The following RIT2 variants were observed in gnomAD, a reference collection of about 807,000 sequenced individuals.
RIT2 encodes Ras like without CAAX 2, also known as GTP-binding protein Rit2.
RIT2 carries 24 observed loss-of-function variants against 23.7 expected under a neutral mutation model. The ratio of observed to expected loss-of-function variants is 1.01; its 90% confidence interval spans 0.73 to 1.43. RIT2 has a LOEUF of 1.43. Ranked by LOEUF, RIT2 falls within the 40% of genes most tolerant of loss-of-function variation. RIT2 has a pLI of 0.00. For missense variants in RIT2, 236 were observed against 266.9 expected (o/e 0.88, Z 0.81); for synonymous variants, 107 against 91.1 (o/e 1.17, Z -0.99).
chr18:42,829,983 ATCAT>A (rs1159190446), intron 4 of RIT2, among the ~76,000 whole-genome samples: 1 of 152,228 alleles, frequency 6.6e-6, no homozygotes, highest in Non-Finnish European at 1.5e-5. Flanking sequence ...TATTTAAATT[ATCAT>A]TCAAACAGTG....
At chr18:42,804,676 C>T (rs16976930) in intron 4 of RIT2, among the ~76,000 whole-genome samples, 2,448 of 151,864 alleles carry the variant, frequency 0.016, 70 homozygotes, top group African/African-American at 0.056. Context: ...AACTCATGGC[C>T]TTGGTCCCGA....
At chr18:42,792,442 T>C (rs1914064570) in intron 4 of RIT2, among the ~76,000 whole-genome samples, 1 of 152,198 alleles carries the variant, frequency 6.6e-6, no homozygotes, top group South Asian at 2.1e-4. Context: ...CAACTCACAA[T>C]TCCATTGCTA....
intron 4 of RIT2, among the ~76,000 whole-genome samples, chr18:42,888,643 A>G (rs1386772282): frequency 6.6e-6 from 1 of 152,114 alleles, no homozygotes; most frequent in African/African-American, 2.4e-5. Context: ...ACAATAGCAA[A>G]GACATGGGAT....
In RIT2 at chr18:43,036,303, G is replaced by A. The variant is rs140298360; in HGVS notation, c.104-2436C>T. On this transcript the variant is annotated intron_variant, in intron 1 of 4. Coordinates refer to ENST00000326695, the MANE Select transcript of RIT2 (RefSeq NM_002930.4). ...GCCTGTAATCCTAGCGCTTTGGGAG[G>A]CCAAGGCGGGTGGATCACCTGAGGT... Among the ~76,000 whole-genome samples, 715 of 152,290 alleles carry A rather than the reference G, an allele frequency of 4.7e-3. 6 individuals carry two copies. The highest frequency in any genetic ancestry group is 0.016 in the African/African-American group (683 of 41,560).
chr18:42,978,082 T>C (rs891308061), intron 2 of RIT2, among the ~76,000 whole-genome samples: 1 of 151,944 alleles, frequency 6.6e-6, no homozygotes. Context: ...TCAGATTTCG[T>C]GTTTGTTTAT....
At chr18:42,751,352 A>C (rs1379328927) in intron 4 of RIT2, among the ~76,000 whole-genome samples, 1 of 151,918 alleles carries the variant, frequency 6.6e-6, no homozygotes, top group Non-Finnish European at 1.5e-5. Flanking sequence ...TATAGTACAT[A>C]TATAGATATA....
intron 1 of RIT2, among the ~76,000 whole-genome samples, chr18:43,062,297 T>C (rs1912666777): frequency 6.6e-6 from 1 of 152,126 alleles, no homozygotes; most frequent in African/African-American, 2.4e-5. Context: ...TAAATGTCTA[T>C]ACTTTACTTC....
chr18:42,759,542 A>G (rs1913247159), intron 4 of RIT2, among the ~76,000 whole-genome samples: 1 of 152,096 alleles, frequency 6.6e-6, no homozygotes, highest in African/African-American at 2.4e-5. Context: ...GCATTTTAAT[A>G]TACAGTAAAA....
At chr18:42,991,283 T>C (rs1273478793) in intron 2 of RIT2, among the ~76,000 whole-genome samples, 1 of 152,118 alleles carries the variant, frequency 6.6e-6, no homozygotes, top group Non-Finnish European at 1.5e-5. Context: ...ACTGGTGCCA[T>C]GTGTATTTGA....
chr18:42,771,754 T>G (rs1263558204), intron 4 of RIT2, among the ~76,000 whole-genome samples: 1 of 152,150 alleles, frequency 6.6e-6, no homozygotes, highest in Non-Finnish European at 1.5e-5. Context: ...TTAGCAGAGT[T>G]TTGTGCTTAT....
At chr18:43,073,547 C>A (rs559539838) in intron 1 of RIT2, among the ~76,000 whole-genome samples, 1 of 152,134 alleles carries the variant, frequency 6.6e-6, no homozygotes, top group Non-Finnish European at 1.5e-5. Context: ...ATAACTAAGG[C>A]CCTCGTCCAA....
At chr18:42,931,613 C>T (rs1321655739) in intron 3 of RIT2, among the ~76,000 whole-genome samples, 1 of 152,094 alleles carries the variant, frequency 6.6e-6, no homozygotes, top group East Asian at 1.9e-4. Context: ...ATGACCGCCT[C>T]TGGGGGGTAC....
chr18:43,019,514 A>C (rs1030671929), intron 2 of RIT2, among the ~76,000 whole-genome samples: 2 of 151,996 alleles, frequency 1.3e-5, no homozygotes, highest in South Asian at 2.1e-4. Context: ...AACCCCAAAA[A>C]CTAGACATAG....
intron 1 of RIT2, among the ~76,000 whole-genome samples, chr18:43,045,406 A>T (rs570896059): frequency 6.6e-6 from 1 of 152,282 alleles, no homozygotes; most frequent in African/African-American, 2.4e-5. Flanking sequence ...CTGTCTTGAC[A>T]CCCTGATCCT....
chr18:42,939,093 C>G (rs960163893), intron 3 of RIT2, among the ~76,000 whole-genome samples: 2 of 151,994 alleles, frequency 1.3e-5, no homozygotes, highest in Non-Finnish European at 2.9e-5. Context: ...ACAAAACAGC[C>G]AACTTAATAG....
intron 1 of RIT2, among the ~76,000 whole-genome samples, chr18:43,087,284 A>C (rs1350261378): frequency 6.6e-6 from 1 of 152,082 alleles, no homozygotes; most frequent in Non-Finnish European, 1.5e-5. Flanking sequence ...GTAGGTATTC[A>C]TGACTCATTG....
At chr18:42,915,851 G>GTA (rs138076243) in intron 4 of RIT2, among the ~76,000 whole-genome samples, 100 of 150,900 alleles carry the variant, frequency 6.6e-4, no homozygotes, top group African/African-American at 2.1e-3. Flanking sequence ...ACATATGCGT[G>GTA]TATATATATA....
At chr18:42,917,528 T>C (rs1262893977) in intron 4 of RIT2, among the ~76,000 whole-genome samples, 1 of 152,136 alleles carries the variant, frequency 6.6e-6, no homozygotes, top group Non-Finnish European at 1.5e-5. Context: ...GCTACCATCA[T>C]TTCTCATTCT....
intron 1 of RIT2, among the ~76,000 whole-genome samples, chr18:43,042,454 C>T (rs1214809896): frequency 6.6e-6 from 1 of 152,130 alleles, no homozygotes; most frequent in African/African-American, 2.4e-5. Context: ...CACCCTTTCC[C>T]AAGGAGAGTC....
Sources: allele counts gnomAD v4.1 joint callset (sites outside exome capture counted in the v4.1 genomes callset), GRCh38; gene constraint gnomAD v4.1.1; transcripts MANE v1.5; gene names NCBI Gene and HGNC (gene_info 2026-07-23, HGNC 2026-07-21).